MTSS1: variants seen among roughly 807,000 people sequenced by gnomAD.
The protein encoded by MTSS1 is MTSS I-BAR domain containing 1, also known as protein MTSS 1.
MTSS1 carries 18 observed loss-of-function variants against 79.0 expected under a neutral mutation model. The observed-to-expected ratio is 0.23, with a 90% CI of 0.16 to 0.34. The LOEUF (loss-of-function observed/expected upper bound fraction) is 0.34. MTSS1 is among the 10% of genes least tolerant of loss of function. The probability of loss-of-function intolerance (pLI) is 1.00; values close to 1 mark genes in which losing one functional copy is unlikely to be tolerated. For missense variants in MTSS1, 815 were observed against 986.2 expected (o/e 0.83, Z 2.33); for synonymous variants, 341 against 368.6 (o/e 0.93, Z 0.86).
At chr8:124,590,727 G>T (rs577222764) in intron 4 of MTSS1, among the ~76,000 whole-genome samples, 1 of 152,176 alleles carries the variant, frequency 6.6e-6, no homozygotes. Context: ...GGAAGCTGGC[G>T]GTGTGGAGTG....
At chr8:124,712,204 A>G (rs1831272690) in intron 1 of MTSS1, among the ~76,000 whole-genome samples, 1 of 152,044 alleles carries the variant, frequency 6.6e-6, no homozygotes, top group Non-Finnish European at 1.5e-5. Context: ...TCAATCTGGG[A>G]GGGGCTTTTA....
intron 1 of MTSS1, among the ~76,000 whole-genome samples, chr8:124,724,528 C>T (rs1054218387): frequency 1.2e-4 from 18 of 152,132 alleles, no homozygotes; most frequent in Admixed American, 6.5e-5. Context: ...GTTCAGCTCT[C>T]GACATGCTGA....
intron 2 of MTSS1, 73 bp downstream of exon 2, chr8:124,704,057 A>G (rs1830073591): frequency 7.3e-7 from 1 of 1,361,894 alleles, no homozygotes; most frequent in African/African-American, 1.4e-5. Flanking sequence ...ATCAATCTGC[A>G]TTTTGGTCTG....
chr8:124,613,606 G>T (rs1052707599), intron 3 of MTSS1, among the ~76,000 whole-genome samples: 1 of 152,214 alleles, frequency 6.6e-6, no homozygotes, highest in Non-Finnish European at 1.5e-5. Context: ...GACAGCTACA[G>T]AAAGGTCCTT....
intron 3 of MTSS1, among the ~76,000 whole-genome samples, chr8:124,671,273 C>T (rs1824146507): frequency 6.6e-6 from 1 of 152,094 alleles, no homozygotes; most frequent in Non-Finnish European, 1.5e-5. Context: ...CCGCACCAAC[C>T]TTCTTTCTCC....
chr8:124,585,827 AAAAC>A (rs1207258471), intron 5 of MTSS1, among the ~76,000 whole-genome samples: 6 of 152,164 alleles, frequency 3.9e-5, no homozygotes, highest in Admixed American at 1.3e-4. Context: ...CAAAAACAAA[AAAAC>A]AAACAAAAAA....
chr8:124,606,821 T>C (rs537176122), intron 3 of MTSS1, among the ~76,000 whole-genome samples: 1 of 152,212 alleles, frequency 6.6e-6, no homozygotes, highest in African/African-American at 2.4e-5. Flanking sequence ...GGACATGTAC[T>C]GTCAGGCTTC....
At chr8:124,709,341 T>C (rs896606653) in intron 1 of MTSS1, among the ~76,000 whole-genome samples, 1 of 151,988 alleles carries the variant, frequency 6.6e-6, no homozygotes, top group African/African-American at 2.4e-5. Flanking sequence ...TCTGTCCCCA[T>C]TTGAGGAAAT....
At chr8:124,563,853 A>G (rs10099060) in intron 9 of MTSS1, among the ~76,000 whole-genome samples, 101,650 of 152,154 alleles carry the variant, frequency 0.67, 34,061 homozygotes, top group Middle Eastern at 0.7. Context: ...GCTCCTGGCC[A>G]GGTGCGGTGG....
At position 124,585,849 on chromosome 8, in the gene MTSS1, C is replaced by T. The variant is rs369691237; in HGVS notation, c.386-688G>A. On this transcript the variant is annotated intron_variant, in intron 5 of 13. Coordinates refer to ENST00000518547, the MANE Select transcript of MTSS1 (RefSeq NM_014751.6). ...AAAAAAACAAACAAAAAACAAAAAA[C>T]CCCTATGTGGAAAAGATGCTGGGCA... Among the ~76,000 whole-genome samples the T allele has an allele frequency of 3.3e-4, 50 of 152,214 alleles. 1 individual carries two copies. The South Asian group carries it at 6.8e-3, about 21-fold the overall frequency.
intron 3 of MTSS1, among the ~76,000 whole-genome samples, chr8:124,610,615 T>C (rs1835629179): frequency 6.6e-6 from 1 of 152,208 alleles, no homozygotes; most frequent in African/African-American, 2.4e-5. Flanking sequence ...TTCTTCTTTA[T>C]CGTCCCTGCC....
intron 3 of MTSS1, 71 bp from the exon 4 acceptor site, chr8:124,591,306 T>C: frequency 1.5e-6 from 2 of 1,294,200 alleles, no homozygotes; most frequent in South Asian, 2.4e-5. Flanking sequence ...TTAGAGAACT[T>C]TACAAACAAG....
At chr8:124,621,860 C>T (rs886926654) in intron 3 of MTSS1, among the ~76,000 whole-genome samples, 2 of 152,094 alleles carry the variant, frequency 1.3e-5, no homozygotes, top group African/African-American at 4.8e-5. Context: ...CTATCTCTTT[C>T]CCCAGAGAAA....
chr8:124,637,524 G>A (rs779769983), intron 3 of MTSS1, among the ~76,000 whole-genome samples: 2 of 152,224 alleles, frequency 1.3e-5, no homozygotes, highest in East Asian at 1.9e-4. Context: ...TGGGTATCTG[G>A]TGTTGGGAAG....
chr8:124,660,438 A>G (rs942204648), intron 3 of MTSS1, among the ~76,000 whole-genome samples: 30 of 133,190 alleles, frequency 2.3e-4, no homozygotes, highest in South Asian at 1.5e-3. Flanking sequence ...GCATGCACAC[A>G]CACACACACA....
chr8:124,596,570 A>C (rs892454594), intron 3 of MTSS1, among the ~76,000 whole-genome samples: 3 of 152,212 alleles, frequency 2.0e-5, no homozygotes, highest in African/African-American at 7.2e-5. Flanking sequence ...GCATATGAAG[A>C]CACACGATCC....
At chr8:124,560,636 G>T (rs531587206) in intron 10 of MTSS1, among the ~76,000 whole-genome samples, 1 of 152,310 alleles carries the variant, frequency 6.6e-6, no homozygotes, top group South Asian at 2.1e-4. Flanking sequence ...GGGCAACAGA[G>T]TGAGACCCTG....
chr8:124,587,188 A>G (rs1035119612), intron 5 of MTSS1, among the ~76,000 whole-genome samples: 5 of 152,172 alleles, frequency 3.3e-5, no homozygotes, highest in Non-Finnish European at 5.9e-5. Flanking sequence ...ATGGTTGTCT[A>G]TGCATCCCCA....
intron 10 of MTSS1, among the ~76,000 whole-genome samples, chr8:124,562,497 G>A (rs1020795069): frequency 1.5e-5 from 2 of 137,074 alleles, no homozygotes; most frequent in African/African-American, 4.9e-5. Context: ...TTACAGGGAC[G>A]CCTGAGAGTG....
Sources: gnomAD v4.1 joint callset for allele counts (sites outside exome capture counted in the v4.1 genomes callset) on GRCh38, gnomAD v4.1.1 for gene constraint, MANE v1.5 for transcripts, NCBI Gene and HGNC (gene_info 2026-07-23, HGNC 2026-07-21) for gene names.